FMN1: variants seen among roughly 807,000 people sequenced by gnomAD.
FMN1 encodes the protein formin 1, also known as formin-1.
A neutral mutation model predicts 132.4 loss-of-function variants in FMN1; 110 were observed. That is an observed-to-expected ratio of 0.83 (90% CI 0.71 to 0.97). The LOEUF (loss-of-function observed/expected upper bound fraction) is 0.97, where lower values mean the gene tolerates loss of function less well. Among genes scored for constraint, FMN1 ranks in the 50% least tolerant of loss-of-function variants. FMN1 has a pLI of 0.00. For missense variants in FMN1, 1,792 were observed against 1,705.3 expected, an observed-to-expected ratio of 1.05 and a Z score of -0.90; for synonymous variants, 722 against 651.7, an observed-to-expected ratio of 1.11 and a Z score of -1.64.
At chr15:32,876,236 G>C (rs145927616) in intron 16 of FMN1, among the ~76,000 whole-genome samples, 2 of 152,248 alleles carry the variant, frequency 1.3e-5, no homozygotes, top group East Asian at 3.9e-4. Flanking sequence ...TTGAAATTAT[G>C]TAATTTAATG....
intron 16 of FMN1, among the ~76,000 whole-genome samples, chr15:32,877,849 T>C (rs2059673791): frequency 6.6e-6 from 1 of 151,124 alleles, no homozygotes; most frequent in Admixed American, 6.5e-5. Flanking sequence ...AGTTGAGTCA[T>C]TTCTTCCATT....
At chr15:33,128,135 C>A (rs1164138188) in intron 4 of FMN1, among the ~76,000 whole-genome samples, 1 of 151,872 alleles carries the variant, frequency 6.6e-6, no homozygotes, top group Non-Finnish European at 1.5e-5. Context: ...GTGATGGGAG[C>A]AGTAGAGAGT....
intron 6 of FMN1, among the ~76,000 whole-genome samples, chr15:33,047,072 C>T (rs1566863431): frequency 6.6e-6 from 1 of 152,190 alleles, no homozygotes; most frequent in Non-Finnish European, 1.5e-5. Flanking sequence ...ATCTTGTAAC[C>T]ACATGGCAGT....
Position 33,065,045 on chromosome 15 carries a change from G to A in FMN1, c.2073C>T (p.Asp691=), listed in dbSNP as rs115543268. 1,339 of 1,610,960 alleles carry A rather than the reference G, an allele frequency of 8.3e-4. 16 individuals carry two copies. In the African/African-American group the frequency reaches 0.016, roughly 20 times the overall value. The change falls in exon 6 of 21, where the codon GAC becomes GAT. Residue 691 remains aspartate, a synonymous_variant. Transcript: ENST00000616417. ...CAGCTTGAAGTCTGCCAGGAGTCCTGTCATCCTGCTCAGTCAGGCTGTGGT... is the reference window on the plus strand; with the variant it reads ...CAGCTTGAAGTCTGCCAGGAGTCCTATCATCCTGCTCAGTCAGGCTGTGGT... ...HPDHSLTEQD[D]RTPGRLQAVW...
At chr15:33,128,744 T>C (rs1361944051) in intron 4 of FMN1, among the ~76,000 whole-genome samples, 2 of 152,146 alleles carry the variant, frequency 1.3e-5, no homozygotes, top group African/African-American at 4.8e-5. Context: ...GGTGATGTGG[T>C]GAATTTTAAA....
chr15:32,812,296 C>A (rs2057909295), intron 17 of FMN1, among the ~76,000 whole-genome samples: 1 of 152,152 alleles, frequency 6.6e-6, no homozygotes, highest in South Asian at 2.1e-4. Context: ...GGCAATCAAA[C>A]TTACAAGTGA....
intron 7 of FMN1, among the ~76,000 whole-genome samples, chr15:32,979,922 T>TTC (rs2032515152): frequency 6.6e-6 from 1 of 152,210 alleles, no homozygotes; most frequent in Non-Finnish European, 1.5e-5. Context: ...TTTCATTACT[T>TTC]AAACAAATGA....
At chr15:32,988,928 T>C (rs909826845) in intron 7 of FMN1, among the ~76,000 whole-genome samples, 13 of 152,212 alleles carry the variant, frequency 8.5e-5, no homozygotes, top group African/African-American at 3.1e-4. Context: ...ATCATGCAAA[T>C]GTTGTCTAAA....
chr15:33,055,859 C>G (rs1169772896), intron 6 of FMN1, among the ~76,000 whole-genome samples: 1 of 152,014 alleles, frequency 6.6e-6, no homozygotes, highest in African/African-American at 2.4e-5. Flanking sequence ...CCAAAGAGCT[C>G]AAATCCAGCA....
intron 2 of FMN1, among the ~76,000 whole-genome samples, chr15:33,183,953 G>A (rs1965790837): frequency 6.6e-6 from 1 of 151,876 alleles, no homozygotes; most frequent in South Asian, 2.1e-4. Context: ...TTAACTTCAT[G>A]ATTTTTTTTT....
intron 19 of FMN1, among the ~76,000 whole-genome samples, chr15:32,778,197 T>C (rs533741336): frequency 2.2e-5 from 3 of 137,458 alleles, no homozygotes; most frequent in African/African-American, 8.1e-5. Context: ...TATTATATAA[T>C]ACATTTATTT....
intron 12 of FMN1, among the ~76,000 whole-genome samples, chr15:32,902,283 C>G (rs2060317134): frequency 6.6e-6 from 1 of 152,166 alleles, no homozygotes; most frequent in African/African-American, 2.4e-5. Flanking sequence ...CCTTCGGGAA[C>G]AGAAAGTTAA....
At chr15:32,933,775 G>A (rs1471426525) in intron 9 of FMN1, among the ~76,000 whole-genome samples, 1 of 151,696 alleles carries the variant, frequency 6.6e-6, no homozygotes, top group Non-Finnish European at 1.5e-5. Flanking sequence ...GCTGTCTTTT[G>A]GATTGTTTTT....
intron 6 of FMN1, among the ~76,000 whole-genome samples, chr15:33,058,200 A>C (rs2037322785): frequency 6.6e-6 from 1 of 152,102 alleles, no homozygotes; most frequent in African/African-American, 2.4e-5. Flanking sequence ...GGCTGGCAAT[A>C]GATGGAGATT....
intron 3 of FMN1, among the ~76,000 whole-genome samples, chr15:33,167,913 G>A (rs188122285): frequency 3.3e-5 from 5 of 152,234 alleles, no homozygotes; most frequent in East Asian, 3.9e-4. Flanking sequence ...TCTCAGGGAC[G>A]ACAGAGGCAG....
At chr15:33,125,229 A>G (rs527456090) in intron 4 of FMN1, among the ~76,000 whole-genome samples, 26 of 152,346 alleles carry the variant, frequency 1.7e-4, no homozygotes, top group African/African-American at 6.0e-4. Flanking sequence ...TTTGTCTTCC[A>G]TAAAATGGAG....
At position 32,809,415 on chromosome 15, in the gene FMN1, C is replaced by T. The variant is rs181128996; in HGVS notation, c.3929-5083G>A. Reference sequence around the variant, plus strand: ...ATGCCCCTTTTCTGCTTAATGTTCTCACTGGTTCCCCCTCTGAAGACAAAG... The same window carrying T: ...ATGCCCCTTTTCTGCTTAATGTTCTTACTGGTTCCCCCTCTGAAGACAAAG... On this transcript the variant is annotated intron_variant, in intron 17 of 20. Coordinates refer to ENST00000616417, the MANE Select transcript of FMN1 (RefSeq NM_001277313.2). Among the ~76,000 whole-genome samples, 7 of 152,294 alleles carry T rather than the reference C, an allele frequency of 4.6e-5. No individual in the cohort carries two copies. The East Asian group carries it at 1.3e-3, about 29-fold the overall frequency.
At chr15:32,949,475 G>A (rs1596328238) in intron 9 of FMN1, among the ~76,000 whole-genome samples, 1 of 152,124 alleles carries the variant, frequency 6.6e-6, no homozygotes, top group African/African-American at 2.4e-5. Flanking sequence ...TTCAATAAAT[G>A]GTCCTAGGAT....
chr15:32,958,630 T>C (rs757252352), intron 9 of FMN1, among the ~76,000 whole-genome samples: 5 of 152,226 alleles, frequency 3.3e-5, no homozygotes, highest in Non-Finnish European at 5.9e-5. Flanking sequence ...TTAAATACTA[T>C]TTTAGTAGTT....
Sources: allele counts gnomAD v4.1 joint callset (sites outside exome capture counted in the v4.1 genomes callset), GRCh38; gene constraint gnomAD v4.1.1; transcripts MANE v1.5; gene names NCBI Gene and HGNC (gene_info 2026-07-23, HGNC 2026-07-21).